Variants in CFAP299 observed in about 807,000 individuals in gnomAD.
CFAP299 encodes the protein cilia and flagella associated protein 299, also known as cilia- and flagella-associated protein 299.
A neutral mutation model predicts 27.0 loss-of-function variants in CFAP299; 21 were observed. That is an observed-to-expected ratio of 0.78 (90% CI 0.55 to 1.12). CFAP299 has a LOEUF of 1.12. Among genes scored for constraint, CFAP299 ranks in the 50% most tolerant of loss-of-function variants. CFAP299 has a pLI of 0.00. For synonymous variants in CFAP299, 104 were observed against 98.1 expected, an observed-to-expected ratio of 1.06 and a Z score of -0.36; for missense variants, 310 against 276.6, an observed-to-expected ratio of 1.12 and a Z score of -0.86.
At chr4:80,448,803 A>G (rs1448244935) in intron 2 of CFAP299, among the ~76,000 whole-genome samples, 1 of 152,210 alleles carries the variant, frequency 6.6e-6, no homozygotes, top group Non-Finnish European at 1.5e-5. Flanking sequence ...AGGGTTTTAG[A>G]AAAAGAATAT....
chr4:80,539,167 C>T (rs1489909120), intron 2 of CFAP299, among the ~76,000 whole-genome samples: 1 of 152,176 alleles, frequency 6.6e-6, no homozygotes, highest in Non-Finnish European at 1.5e-5. Context: ...TTGGAATACC[C>T]ACCTTATATT....
intron 3 of CFAP299, among the ~76,000 whole-genome samples, chr4:80,674,746 TCTC>T (rs1719317052): frequency 6.6e-6 from 1 of 152,118 alleles, no homozygotes; most frequent in Admixed American, 6.5e-5. Context: ...TCTCTAAACT[TCTC>T]CTCTTGCTTT....
chr4:80,663,170 A>T (rs575721594), intron 3 of CFAP299, among the ~76,000 whole-genome samples: 1 of 152,216 alleles, frequency 6.6e-6, no homozygotes, highest in African/African-American at 2.4e-5. Flanking sequence ...GTTCTGGGAT[A>T]CATGTGCAAA....
chr4:80,813,009 G>C (rs1424335557), intron 3 of CFAP299, among the ~76,000 whole-genome samples: 2 of 152,006 alleles, frequency 1.3e-5, no homozygotes, highest in Non-Finnish European at 2.9e-5. Flanking sequence ...TTCAAAAAAT[G>C]TTAAGTCAGA....
intron 4 of CFAP299, among the ~76,000 whole-genome samples, chr4:80,889,385 G>C (rs992007421): frequency 6.6e-6 from 1 of 151,816 alleles, no homozygotes; most frequent in Non-Finnish European, 1.5e-5. Flanking sequence ...TACAAGAAAT[G>C]AATACATTTC....
At chr4:80,568,054 GA>G (rs1735397760) in intron 2 of CFAP299, among the ~76,000 whole-genome samples, 2 of 151,694 alleles carry the variant, frequency 1.3e-5, no homozygotes, top group African/African-American at 4.8e-5. Context: ...TTGAGGAAAA[GA>G]TGACTGGTGT....
At position 80,398,418 on chromosome 4, in the gene CFAP299, C is replaced by T. The variant is rs912618248; in HGVS notation, c.242+35534C>T. ...CAAAAGAACAAAGGTGGAGGCATTA[C>T]GCTACCTGACTTCAAACTATACTAC... On this transcript the variant is annotated intron_variant, in intron 2 of 5. Transcript: ENST00000358105. 1.2e-4 allele frequency among the ~76,000 whole-genome samples: 19 copies of T among 152,116 alleles called. 1 individual carries two copies. The highest frequency in any genetic ancestry group is 2.2e-4 in the Non-Finnish European group (15 of 68,004).
chr4:80,800,616 T>A (rs1197980779), intron 3 of CFAP299, among the ~76,000 whole-genome samples: 4 of 101,520 alleles, frequency 3.9e-5, no homozygotes, highest in Non-Finnish European at 5.3e-5. Context: ...ATATATAATA[T>A]ATAATATATT....
chr4:80,409,638 C>A (rs1726609991), intron 2 of CFAP299, among the ~76,000 whole-genome samples: 1 of 152,110 alleles, frequency 6.6e-6, no homozygotes, highest in African/African-American at 2.4e-5. Context: ...GTTTTCACAG[C>A]TTTACTATTT....
rs189742973 is a variant in CFAP299, at chr4:80,405,462, C to A, written c.242+42578C>A. ...ATTTCCCATTAAATCTTTAAATATTCATTAATAACTTTTGAGGTCACTCAA... is the reference window on the plus strand; with the variant it reads ...ATTTCCCATTAAATCTTTAAATATTAATTAATAACTTTTGAGGTCACTCAA... On this transcript the variant is annotated intron_variant, in intron 2 of 5. Transcript: ENST00000358105. 9.2e-5 allele frequency among the ~76,000 whole-genome samples: 14 copies of A among 152,140 alleles called. No homozygotes were observed. The East Asian group carries it at 2.5e-3, about 27-fold the overall frequency.
chr4:80,858,957 G>T (rs1259397405), intron 3 of CFAP299, among the ~76,000 whole-genome samples: 1 of 151,958 alleles, frequency 6.6e-6, no homozygotes, highest in African/African-American at 2.4e-5. Flanking sequence ...TCAATTCCTG[G>T]GTATCCTTGT....
intron 2 of CFAP299, among the ~76,000 whole-genome samples, chr4:80,449,655 A>G (rs1370021161): frequency 1.3e-5 from 2 of 151,720 alleles, no homozygotes; most frequent in African/African-American, 4.8e-5. Context: ...TTCTAGAATT[A>G]TAATGAATAA....
chr4:80,430,758 C>T lies in CFAP299; in HGVS notation c.242+67874C>T, dbSNP rs145472979. Among the ~76,000 whole-genome samples, 820 of 152,226 alleles carry T rather than the reference C, an allele frequency of 5.4e-3. 9 individuals carry two copies. Among genetic ancestry groups the T allele is most frequent in the African/African-American group, 0.019 (780 of 41,540 alleles). On this transcript the variant is annotated intron_variant, in intron 2 of 5. Transcript: ENST00000358105. ...TCCATTCAGTACATGGCATCCCCAG[C>T]CAAAAATCTAGGAATTATTATTTGC...
intron 3 of CFAP299, among the ~76,000 whole-genome samples, chr4:80,767,336 A>G (rs891697349): frequency 1.3e-5 from 2 of 152,164 alleles, no homozygotes; most frequent in East Asian, 1.9e-4. Context: ...TAGGTGGGGC[A>G]CGGTGGCTCA....
chr4:80,799,230 TATA>T (rs1337086450), intron 3 of CFAP299, among the ~76,000 whole-genome samples: 9 of 115,600 alleles, frequency 7.8e-5, no homozygotes, highest in South Asian at 4.6e-4. Context: ...AATATATTTA[TATA>T]ATATTTATAT....
At chr4:80,531,388 A>C (rs994731321) in intron 2 of CFAP299, among the ~76,000 whole-genome samples, 1 of 152,358 alleles carries the variant, frequency 6.6e-6, no homozygotes, top group African/African-American at 2.4e-5. Context: ...AGTGTGAAAC[A>C]AAGTACTTGT....
chr4:80,633,987 T>A (rs891689756), intron 3 of CFAP299, among the ~76,000 whole-genome samples: 3 of 149,388 alleles, frequency 2.0e-5, no homozygotes, highest in Admixed American at 2.0e-4. Flanking sequence ...GAAAACTTTT[T>A]TTTTTTTTTT....
intron 3 of CFAP299, among the ~76,000 whole-genome samples, chr4:80,652,122 CAATA>C (rs1405876477): frequency 6.6e-6 from 1 of 151,914 alleles, no homozygotes; most frequent in Non-Finnish European, 1.5e-5. Context: ...ACAGGGGTGA[CAATA>C]AATGTTTTGC....
At chr4:80,338,520 C>A (rs904992313) in intron 1 of CFAP299, among the ~76,000 whole-genome samples, 2 of 152,084 alleles carry the variant, frequency 1.3e-5, no homozygotes, top group Non-Finnish European at 2.9e-5. Context: ...CTTGAAATTC[C>A]ATTTTTTACC....
Sources: allele counts gnomAD v4.1 joint callset (sites outside exome capture counted in the v4.1 genomes callset), GRCh38; gene constraint gnomAD v4.1.1; transcripts MANE v1.5; gene names NCBI Gene and HGNC (gene_info 2026-07-23, HGNC 2026-07-21).